The following PRKG1 variants were observed in gnomAD, a reference collection of about 807,000 sequenced individuals.
PRKG1 encodes the protein cGMP-dependent protein kinase 1.
In PRKG1, 35 loss-of-function variants were observed where a neutral mutation model predicts 88.1. The observed-to-expected ratio is 0.40, with a 90% CI of 0.30 to 0.53. PRKG1 has a LOEUF of 0.53. Ranked by LOEUF, PRKG1 falls within the 20% of genes least tolerant of loss-of-function variation. The pLI is 0.59. For synonymous variants in PRKG1, 303 were observed against 292.5 expected, an observed-to-expected ratio of 1.04 and a Z score of -0.37; for missense variants, 540 against 839.8, an observed-to-expected ratio of 0.64 and a Z score of 4.41.
intron 7 of PRKG1, among the ~76,000 whole-genome samples, chr10:52,098,385 G>A (rs1366143010): frequency 6.6e-6 from 1 of 152,116 alleles, no homozygotes; most frequent in Admixed American, 6.5e-5. Flanking sequence ...TTTTGAGAGA[G>A]TCATGGCTGA....
intron 1 of PRKG1, among the ~76,000 whole-genome samples, chr10:50,999,857 C>T (rs1229260054): frequency 6.6e-6 from 1 of 152,094 alleles, no homozygotes; most frequent in Admixed American, 6.5e-5. Context: ...GGTTGTAAAC[C>T]CTTGGGTAGA....
intron 3 of PRKG1, among the ~76,000 whole-genome samples, chr10:51,658,010 A>T (rs1489120841): frequency 1.3e-5 from 2 of 152,134 alleles, no homozygotes; most frequent in African/African-American, 4.8e-5. Context: ...AAAAGGAAAA[A>T]ATTGCAAACA....
intron 7 of PRKG1, among the ~76,000 whole-genome samples, chr10:52,083,477 GA>G (rs1244035219): frequency 2.8e-4 from 43 of 152,040 alleles, no homozygotes; most frequent in African/African-American, 1.0e-3. Context: ...GAACACTTTA[GA>G]ACAGGACCGG....
At chr10:51,445,406 C>A (rs293253) in intron 2 of PRKG1, among the ~76,000 whole-genome samples, 1 of 150,852 alleles carries the variant, frequency 6.6e-6, no homozygotes, top group South Asian at 2.1e-4. Context: ...TAAAAGTTAG[C>A]CTTTGATCAT....
chr10:51,033,394 G>C (rs1326905989), intron 1 of PRKG1, among the ~76,000 whole-genome samples: 1 of 152,174 alleles, frequency 6.6e-6, no homozygotes, highest in Non-Finnish European at 1.5e-5. Flanking sequence ...AAAGGTAAAT[G>C]CTGTGTCTCA....
intron 2 of PRKG1, among the ~76,000 whole-genome samples, chr10:51,215,031 A>G (rs1478753743): frequency 6.6e-6 from 1 of 152,202 alleles, no homozygotes; most frequent in Non-Finnish European, 1.5e-5. Flanking sequence ...AGCAAGTTAC[A>G]GCGTGGGCGG....
intron 1 of PRKG1, among the ~76,000 whole-genome samples, chr10:51,141,717 C>G (rs1589189507): frequency 1.3e-5 from 2 of 152,072 alleles, no homozygotes; most frequent in African/African-American, 2.4e-5. Context: ...CTTCCTACCC[C>G]CTCTGTCTCA....
At chr10:51,072,266 G>A (rs1299081810), upstream of PRKG1, among the ~76,000 whole-genome samples, 1 of 152,096 alleles carries the variant, frequency 6.6e-6, no homozygotes, top group Non-Finnish European at 1.5e-5. Context: ...CAGCTTAGCA[G>A]TTGTCTAATT....
intron 4 of PRKG1, among the ~76,000 whole-genome samples, chr10:51,862,387 C>T (rs368315913): frequency 1.3e-5 from 2 of 152,068 alleles, no homozygotes; most frequent in Admixed American, 6.5e-5. Flanking sequence ...TTGGTGGGTT[C>T]CGGGTTCTTG....
chr10:50,994,852 T>A (rs1842821082), intron 1 of PRKG1, among the ~76,000 whole-genome samples: 1 of 149,508 alleles, frequency 6.7e-6, no homozygotes, highest in Admixed American at 6.7e-5. Context: ...GGACTAAACA[T>A]GTATAGCCTT....
At chr10:51,871,838 G>A (rs761072776) in intron 4 of PRKG1, among the ~76,000 whole-genome samples, 5 of 152,176 alleles carry the variant, frequency 3.3e-5, no homozygotes, top group Admixed American at 1.3e-4. Context: ...TGCAGGGGGT[G>A]GATGGTGCAG....
intron 2 of PRKG1, among the ~76,000 whole-genome samples, chr10:51,261,081 A>G (rs79540175): frequency 0.011 from 1,669 of 152,330 alleles, 35 homozygotes; most frequent in African/African-American, 0.037. Flanking sequence ...GCAAAGATAT[A>G]AAGTATATTC....
At chr10:51,466,032 G>T (rs1047564117) in intron 2 of PRKG1, among the ~76,000 whole-genome samples, 2 of 152,098 alleles carry the variant, frequency 1.3e-5, no homozygotes, top group Non-Finnish European at 2.9e-5. Context: ...AGGTCATAAG[G>T]CCAGTAAGGA....
At chr10:51,003,517 T>A (rs1015349897) in intron 1 of PRKG1, among the ~76,000 whole-genome samples, 1 of 152,218 alleles carries the variant, frequency 6.6e-6, no homozygotes, top group Admixed American at 6.5e-5. Context: ...TTTGCCATGT[T>A]AAAAGTCCGG....
intron 2 of PRKG1, among the ~76,000 whole-genome samples, chr10:51,208,402 A>G (rs563482562): frequency 1.3e-4 from 20 of 152,330 alleles, no homozygotes; most frequent in African/African-American, 4.8e-4. Flanking sequence ...TTCATACTGC[A>G]TAATATTCTA....
At chr10:51,808,092 A>G (rs542899999) in intron 4 of PRKG1, among the ~76,000 whole-genome samples, 25 of 152,324 alleles carry the variant, frequency 1.6e-4, no homozygotes, top group African/African-American at 5.3e-4. Flanking sequence ...GATAGATACT[A>G]TCAAAAACTC....
chr10:51,066,377 T>A (rs1843749302), intron 1 of PRKG1, among the ~76,000 whole-genome samples: 2 of 152,082 alleles, frequency 1.3e-5, no homozygotes, highest in African/African-American at 4.8e-5. Flanking sequence ...TTTTCTGTCA[T>A]GTCATTGGCT....
chr10:51,435,893 C>T (rs533600820), intron 2 of PRKG1, among the ~76,000 whole-genome samples: 7 of 151,976 alleles, frequency 4.6e-5, no homozygotes, highest in African/African-American at 7.2e-5. Flanking sequence ...TTCTTGGTCC[C>T]GAGTATGTTA....
chr10:51,345,889 G>T (rs1408832684), intron 2 of PRKG1, among the ~76,000 whole-genome samples: 1 of 152,204 alleles, frequency 6.6e-6, no homozygotes, highest in Non-Finnish European at 1.5e-5. Context: ...ATGAGTTCTG[G>T]ATCTTGCTCT....
Sources: allele counts gnomAD v4.1 joint callset (sites outside exome capture counted in the v4.1 genomes callset), GRCh38; gene constraint gnomAD v4.1.1; transcripts MANE v1.5; gene names NCBI Gene and HGNC (gene_info 2026-07-23, HGNC 2026-07-21).